The following GTPBP8 variants were observed in gnomAD, a reference collection of about 807,000 sequenced individuals.
GTPBP8 encodes the protein GTP binding protein 8, also known as GTP-binding protein 8.
Under a neutral mutation model 27.3 loss-of-function variants are expected in GTPBP8, and 21 were observed. The ratio of observed to expected loss-of-function variants is 0.77; its 90% CI spans 0.55 to 1.11. The LOEUF (loss-of-function observed/expected upper bound fraction) is 1.11. Ranked by LOEUF, GTPBP8 falls within the 50% of genes least tolerant of loss-of-function variation. GTPBP8 has a pLI of 0.00. For missense variants in GTPBP8, 380 were observed against 350.8 expected (o/e 1.08, Z -0.67); for synonymous variants, 147 against 135.3 (o/e 1.09, Z -0.60).
intron 5 of GTPBP8, among the ~76,000 whole-genome samples, chr3:113,000,476 CAGAT>C (rs1483794306): frequency 3.9e-5 from 6 of 152,090 alleles, no homozygotes; most frequent in Non-Finnish European, 5.9e-5. Context: ...TATAGGAAGA[CAGAT>C]AGATAAATAA....
intron 1 of GTPBP8, chr3:112,991,566 C>A (rs1312045967): frequency 1.5e-6 from 1 of 689,454 alleles, no homozygotes; most frequent in African/African-American, 1.8e-5. Context: ...ATGGTAAAGT[C>A]AAAAATCGTT....
chr3:112,996,991 GGTAA>G lies in GTPBP8; in HGVS notation c.666+4_666+7del, dbSNP rs1490451906. ...GTGAAGAATTTGCATTACCTTATGT[GGTAA>G]GTACTTCCTTTGAATCATGGTTGCA... On this transcript the variant is annotated splice_donor_variant and splice_donor_region_variant and intron_variant, in intron 4 of 5. Transcript: ENST00000383678. LOFTEE classifies it high-confidence loss of function. 5.9e-6 allele frequency: 8 copies of G among 1,345,286 alleles called. No homozygotes were observed. The highest frequency in any genetic ancestry group is 1.4e-5 in the African/African-American group (1 of 69,502). 83.3% of individuals were successfully genotyped at this position (1,345,286 alleles called of 1,614,324 possible).
intron 3 of GTPBP8, among the ~76,000 whole-genome samples, chr3:112,996,119 A>G (rs1402819792): frequency 1.3e-5 from 2 of 152,162 alleles, no homozygotes; most frequent in Non-Finnish European, 2.9e-5. Context: ...GCAAGATATA[A>G]TGTGTCTGGT....
intron 4 of GTPBP8, 74 bp downstream of exon 4, chr3:112,997,065 T>G: frequency 1.4e-6 from 1 of 717,168 alleles, no homozygotes; most frequent in East Asian, 2.7e-5. Context: ...ACATGCACCT[T>G]TTAACAATTG....
At chr3:112,995,718 G>A (rs1219647489) in intron 3 of GTPBP8, among the ~76,000 whole-genome samples, 1 of 151,980 alleles carries the variant, frequency 6.6e-6, no homozygotes, top group African/African-American at 2.4e-5. Flanking sequence ...TGTATTTTTA[G>A]TAGAGACAGG....
chr3:112,990,984 C>G lies in GTPBP8; in HGVS notation c.-16C>G, dbSNP rs771709711. ...ACAGGAGTAAAATCTCTCTGCCCGT[C>G]TTCTGGGAAGGGAGAATGGCGGCGC... is the stretch of plus-strand genomic sequence containing the variant. On this transcript the variant is annotated 5_prime_UTR_variant, in exon 1 of 6. Transcript: ENST00000383678. The G allele has an allele frequency of 3.2e-6, 5 of 1,570,012 alleles. No individual in the cohort carries two copies. Among genetic ancestry groups the G allele is most frequent in the Non-Finnish European group, 1.7e-6 (2 of 1,156,864 alleles).
At chr3:112,995,491 G>C (rs920022258) in intron 3 of GTPBP8, among the ~76,000 whole-genome samples, 2 of 151,290 alleles carry the variant, frequency 1.3e-5, no homozygotes, top group African/African-American at 4.9e-5. Flanking sequence ...TTAAATTTAA[G>C]TGTTTTCCCA....
At chr3:112,997,689 T>C (rs1036814587) in intron 4 of GTPBP8, among the ~76,000 whole-genome samples, 3 of 152,236 alleles carry the variant, frequency 2.0e-5, no homozygotes, top group African/African-American at 4.8e-5. Flanking sequence ...TGGAGTTTAG[T>C]ACAAATCACA....
chr3:112,991,889 G>T (rs1933688713), intron 1 of GTPBP8: 2 of 238,220 alleles, frequency 8.4e-6, no homozygotes, highest in Non-Finnish European at 1.7e-5. Context: ...CAATAATGTG[G>T]AAAAATTTTT....
chr3:112,995,709 G>T (rs750231357), intron 3 of GTPBP8, among the ~76,000 whole-genome samples: 49 of 152,080 alleles, frequency 3.2e-4, no homozygotes, highest in Non-Finnish European at 6.0e-4. Context: ...GCTCATTTTT[G>T]TATTTTTAGT....
rs1051014648 is a variant in GTPBP8 at position 112,993,039 on chromosome 3, G to T, written c.350G>T (p.Gly117Val). The change falls in exon 2 of 6, where the codon GGC becomes GTC. Residue 117 changes from glycine to valine, a missense_variant. Gly to Val is a moderately radical substitution (Grantham distance 109). Transcript: ENST00000383678. ...DLPRPEVCFI[G>V]RSNVGKSSLI... The stretch of plus-strand genomic sequence containing the variant: ...TTCTTGTATAAGGTGTGTTTTATAG[G>T]CAGAAGCAATGTTGGAAAATCATCT... 4.4e-6 allele frequency: 7 copies of T among 1,601,462 alleles called. No individual in the cohort carries two copies. The highest frequency in any genetic ancestry group is 6.0e-6 in the Non-Finnish European group (7 of 1,169,046).
chr3:112,994,954 C>T (rs1023524561), intron 2 of GTPBP8, among the ~76,000 whole-genome samples, 181 bp from the exon 3 acceptor site: 3 of 152,174 alleles, frequency 2.0e-5, no homozygotes, highest in Non-Finnish European at 4.4e-5. Context: ...GTAGTATGAT[C>T]TAAACTTATC....
chr3:112,991,014 G>A lies in GTPBP8; in HGVS notation c.15G>A (p.Gly5=). ...GGGAAGGGAGAATGGCGGCGCCCGG[G>A]CTGCGGCTGGGAGCGGGAAGACTCT... MAAP[G]LRLGAGRLFE... The change falls in exon 1 of 6, where the codon GGG becomes GGA. Residue 5 remains glycine, a synonymous_variant. Coordinates refer to ENST00000383678, the MANE Select transcript of GTPBP8 (RefSeq NM_014170.4). 2.5e-6 allele frequency: 4 copies of A among 1,595,042 alleles called. No homozygotes were observed. Among genetic ancestry groups the A allele is most frequent in the East Asian group, 2.3e-5 (1 of 44,422 alleles).
intron 1 of GTPBP8, chr3:112,992,030 GCC>G (rs1254523566): frequency 6.5e-6 from 1 of 154,214 alleles, no homozygotes; most frequent in African/African-American, 2.4e-5. Context: ...GTGCACCATT[GCC>G]CAGAGATATT....
chr3:112,994,384 T>C (rs1933745026), intron 2 of GTPBP8, among the ~76,000 whole-genome samples: 1 of 150,956 alleles, frequency 6.6e-6, no homozygotes, highest in South Asian at 2.1e-4. Context: ...GATTGCACCA[T>C]TGCACTCCAG....
At chr3:112,997,935 A>G (rs771945891) in intron 4 of GTPBP8, among the ~76,000 whole-genome samples, 8 of 152,360 alleles carry the variant, frequency 5.3e-5, no homozygotes, top group Non-Finnish European at 1.2e-4. Flanking sequence ...CTGAAAGGAA[A>G]TATTACTTTC....
chr3:113,000,166 ATCACCTGAGG>A, intron 5 of GTPBP8, among the ~76,000 whole-genome samples: 1 of 152,260 alleles, frequency 6.6e-6, no homozygotes, highest in Non-Finnish European at 1.5e-5. Flanking sequence ...AGGTGGGCAG[ATCACCTGAGG>A]TCGGGAGTCC....
intron 1 of GTPBP8, chr3:112,991,853 G>T: frequency 4.3e-6 from 1 of 232,172 alleles, no homozygotes; most frequent in South Asian, 4.7e-5. Flanking sequence ...ATTTCCTATC[G>T]TGCAAAAATA....
In GTPBP8 at chr3:113,000,963, T is replaced by G; in HGVS notation, c.*44T>G. The G allele has an allele frequency of 9.9e-7, 1 of 1,009,666 alleles. No individual in the cohort carries two copies. Among genetic ancestry groups the G allele is most frequent in the South Asian group, 1.4e-5 (1 of 71,808 alleles). The allele number at this position is 1,009,666 out of a possible 1,614,324, so 62.5% of individuals were successfully genotyped here. ...AAGATTCAAAAAAAAAAAAAAAAGCTTTATGCTAACTGGAGTTAAATACCT... is the reference window on the plus strand; with the variant it reads ...AAGATTCAAAAAAAAAAAAAAAAGCGTTATGCTAACTGGAGTTAAATACCT... On this transcript the variant is annotated 3_prime_UTR_variant, in exon 6 of 6. Transcript: ENST00000383678.
Sources: allele counts gnomAD v4.1 joint callset (sites outside exome capture counted in the v4.1 genomes callset), GRCh38; gene constraint gnomAD v4.1.1; transcripts MANE v1.5; gene names NCBI Gene and HGNC (gene_info 2026-07-23, HGNC 2026-07-21).